Variants in MID1 observed in about 807,000 individuals in gnomAD.
MID1 encodes the protein E3 ubiquitin-protein ligase Midline-1.
Under a neutral mutation model 40.4 loss-of-function variants are expected in MID1, and 7 were observed. That is an observed-to-expected ratio of 0.17 (90% CI 0.10 to 0.33). MID1 has a LOEUF of 0.33. Ranked by LOEUF, MID1 falls within the 10% of genes least tolerant of loss-of-function variation. MID1 has a pLI of 1.00. For missense variants in MID1, 367 were observed against 558.5 expected (o/e 0.66, Z 3.46); for synonymous variants, 229 against 221.2 (o/e 1.04, Z -0.31).
intron 1 of MID1, among the ~76,000 whole-genome samples, chrX:10,613,732 T>TATATATATATATATATAGAG (rs1482081086): frequency 4.0e-4 from 7 of 17,478 alleles, no homozygotes; most frequent in Admixed American, 8.9e-4. Flanking sequence ...TATATATATA[T>TATATATATATATATATAGAG]AGAGAGAGAG....
Position 10,710,333 on chromosome X carries a change from T to A in MID1, c.-186-89914A>T, listed in dbSNP as rs1281663325. On this transcript the variant is annotated intron_variant, in intron 1 of 10. Coordinates refer to the MID1 transcript ENST00000380785. ...AGAAATGCATGGCCTATTTCATGTA[T>A]CCATTGACTTTATTTTGCCCAGCAG... is the stretch of plus-strand genomic sequence containing the variant. 2.7e-5 allele frequency among the ~76,000 whole-genome samples: 3 copies of A among 111,603 alleles called. No homozygotes were observed. In the East Asian group the frequency reaches 8.4e-4, roughly 31 times the overall value.
intron 1 of MID1, among the ~76,000 whole-genome samples, chrX:10,815,792 T>C (rs1459772123): frequency 8.9e-6 from 1 of 112,510 alleles, no homozygotes; most frequent in African/African-American, 3.2e-5. Context: ...TTCTAAATGG[T>C]CCAAAGAAGA....
At chrX:10,601,755 A>G (rs1330434107) in intron 1 of MID1, among the ~76,000 whole-genome samples, 1 of 110,637 alleles carries the variant, frequency 9.0e-6, no homozygotes, top group Non-Finnish European at 1.9e-5. Flanking sequence ...GTGTGCACAC[A>G]CATTTTTTTT....
chrX:10,467,018 T>C (rs1362600576), intron 7 of MID1, among the ~76,000 whole-genome samples: 3 of 111,654 alleles, frequency 2.7e-5, no homozygotes, highest in Non-Finnish European at 5.6e-5. Flanking sequence ...CAAGGATATC[T>C]TGAACATCCT....
intron 1 of MID1, among the ~76,000 whole-genome samples, chrX:10,802,789 TG>T (rs1315966275): frequency 8.9e-6 from 1 of 111,804 alleles, no homozygotes; most frequent in Non-Finnish European, 1.9e-5. Flanking sequence ...TGCCTATCAA[TG>T]GTGGACTGGA....
At chrX:10,820,406 A>G (rs1396021064) in intron 1 of MID1, among the ~76,000 whole-genome samples, 1 of 112,168 alleles carries the variant, frequency 8.9e-6, no homozygotes, top group Non-Finnish European at 1.9e-5. Context: ...GAAAGACAAC[A>G]CATTTTGCAG....
At position 10,505,754 on chromosome X, in the gene MID1, A is replaced by G. The variant is rs1931798152; in HGVS notation, c.757-10063T>C. ...TTTCTAATGGAAAGAGGAAACCTCT[A>G]CTCTATGACTTTACCTTAATCACTT... On this transcript the variant is annotated intron_variant, in intron 3 of 9. Coordinates refer to ENST00000317552, the MANE Select transcript of MID1 (RefSeq NM_000381.4). 3 of 751,150 alleles carry G rather than the reference A, an allele frequency of 4.0e-6. No homozygotes were observed. In the South Asian group the frequency reaches 2.0e-4, roughly 51 times the overall value. The allele number at this position is 751,150 out of a possible 1,213,427, so 61.9% of individuals were successfully genotyped here. A position where few individuals can be genotyped will look rare whatever the true frequency, so the allele number is the denominator to read the frequency against.
At chrX:10,659,047 G>A (rs1320944128) in intron 1 of MID1, among the ~76,000 whole-genome samples, 2 of 109,138 alleles carry the variant, frequency 1.8e-5, no homozygotes, top group East Asian at 5.6e-4. Context: ...CTGAACAAGG[G>A]TGCATCCAAA....
chrX:10,801,245 C>T (rs369901026), intron 1 of MID1, among the ~76,000 whole-genome samples: 6 of 111,820 alleles, frequency 5.4e-5, no homozygotes, highest in Admixed American at 1.9e-4. Flanking sequence ...TCTTCATTTA[C>T]GGATTGACCT....
intron 3 of MID1, among the ~76,000 whole-genome samples, chrX:10,500,896 G>A (rs1205201191): frequency 8.9e-6 from 1 of 111,767 alleles, no homozygotes; most frequent in African/African-American, 3.3e-5. Context: ...CTAAACTAAC[G>A]GCAAGAGTGA....
chrX:10,767,219 T>A (rs1198294560), intron 1 of MID1, among the ~76,000 whole-genome samples: 1 of 112,621 alleles, frequency 8.9e-6, no homozygotes, highest in Non-Finnish European at 1.9e-5. Flanking sequence ...TGAAAACATT[T>A]TTAATGTTTA....
At chrX:10,727,308 G>A (rs759552007) in intron 1 of MID1, among the ~76,000 whole-genome samples, 44 of 110,966 alleles carry the variant, frequency 4.0e-4, no homozygotes, top group Middle Eastern at 9.2e-3. Context: ...CAGTAGAGAT[G>A]GAGTTTCACC....
At chrX:10,720,984 T>A (rs867173604) in intron 1 of MID1, among the ~76,000 whole-genome samples, 5 of 98,560 alleles carry the variant, frequency 5.1e-5, no homozygotes, top group Middle Eastern at 5.3e-3. Flanking sequence ...CACTCATAGG[T>A]GGGAATTGAA....
At chrX:10,673,568 C>T (rs991048280) in intron 1 of MID1, among the ~76,000 whole-genome samples, 2 of 111,740 alleles carry the variant, frequency 1.8e-5, no homozygotes, top group African/African-American at 6.5e-5. Flanking sequence ...TGTGTTGGCT[C>T]TCTGATCATA....
chrX:10,565,247 T>C, intron 2 of MID1: 1 of 331,309 alleles, frequency 3.0e-6, no homozygotes, highest in Non-Finnish European at 5.9e-6. Context: ...AAAGATGGAT[T>C]TGCACCAGTA....
chrX:10,506,331 G>C, intron 3 of MID1: 1 of 1,082,938 alleles, frequency 9.2e-7, no homozygotes, highest in Non-Finnish European at 1.2e-6. Context: ...GACAAGAATG[G>C]ATGGTCAAAT....
chrX:10,737,603 G>A (rs1208782914), intron 1 of MID1, among the ~76,000 whole-genome samples: 1 of 103,728 alleles, frequency 9.6e-6, no homozygotes, highest in Non-Finnish European at 2.0e-5. Context: ...AAGAGAGGGA[G>A]AAAGAAGAAA....
intron 1 of MID1, among the ~76,000 whole-genome samples, chrX:10,610,565 T>G (rs1303712064): frequency 1.8e-5 from 2 of 111,459 alleles, no homozygotes; most frequent in East Asian, 5.6e-4. Context: ...GAATAATGTA[T>G]GTGAAAGGCC....
intron 1 of MID1, among the ~76,000 whole-genome samples, chrX:10,682,413 T>G (rs1035979653): frequency 5.4e-5 from 6 of 110,715 alleles, no homozygotes; most frequent in African/African-American, 2.0e-4. Context: ...TTCTTTTTTC[T>G]GCTTGTGGGA....
Sources: gnomAD v4.1 joint callset for allele counts (sites outside exome capture counted in the v4.1 genomes callset) on GRCh38, gnomAD v4.1.1 for gene constraint, MANE v1.5 for transcripts, NCBI Gene and HGNC (gene_info 2026-07-23, HGNC 2026-07-21) for gene names.